Variants in SEMA5A observed in about 807,000 individuals in gnomAD.
SEMA5A encodes the protein semaphorin 5A.
In SEMA5A, 55 loss-of-function variants were observed where a neutral mutation model predicts 135.5. The observed-to-expected ratio is 0.41, with a 90% CI of 0.33 to 0.51. The LOEUF is 0.51. Ranked by LOEUF, SEMA5A falls within the 20% of genes least tolerant of loss-of-function variation. The pLI is 0.37. For synonymous variants in SEMA5A, 580 were observed against 546.5 expected (o/e 1.06, Z -0.85); for missense variants, 1,290 against 1,419.9 (o/e 0.91, Z 1.47).
At chr5:9,067,322 G>A (rs1737531718) in intron 16 of SEMA5A, among the ~76,000 whole-genome samples, 1 of 152,144 alleles carries the variant, frequency 6.6e-6, no homozygotes, top group Non-Finnish European at 1.5e-5. Context: ...ACGTGGAGAT[G>A]ATGAAAATCT....
At chr5:9,269,646 G>T (rs1364228035) in intron 5 of SEMA5A, among the ~76,000 whole-genome samples, 1 of 152,110 alleles carries the variant, frequency 6.6e-6, no homozygotes, top group African/African-American at 2.4e-5. Flanking sequence ...AACTGCTGTT[G>T]TAAGAGTAGC....
At chr5:9,091,510 A>C (rs1258937328) in intron 16 of SEMA5A, among the ~76,000 whole-genome samples, 2 of 152,306 alleles carry the variant, frequency 1.3e-5, no homozygotes, top group East Asian at 3.9e-4. Context: ...AGGCACACAC[A>C]TGGAAGTACA....
intron 13 of SEMA5A, among the ~76,000 whole-genome samples, chr5:9,126,691 A>C (rs1741133865): frequency 6.6e-6 from 1 of 152,156 alleles, no homozygotes; most frequent in Non-Finnish European, 1.5e-5. Flanking sequence ...GGGGTGGGGA[A>C]CTGAAACAGT....
chr5:9,406,939 T>C (rs1466434322), intron 2 of SEMA5A, among the ~76,000 whole-genome samples: 1 of 152,228 alleles, frequency 6.6e-6, no homozygotes, highest in East Asian at 1.9e-4. Context: ...AGGTACTGTA[T>C]CAAATTTCTC....
At chr5:9,315,822 T>C (rs1752364645) in intron 5 of SEMA5A, among the ~76,000 whole-genome samples, 1 of 152,208 alleles carries the variant, frequency 6.6e-6, no homozygotes. Flanking sequence ...TCATGGGCTA[T>C]TTGCCAGATT....
At chr5:9,054,039 A>T in intron 19 of SEMA5A, 48 bp downstream of exon 19, 1 of 1,552,174 alleles carries the variant, frequency 6.4e-7, no homozygotes. Flanking sequence ...CATTAAGGAA[A>T]GAGGCCAATT....
In SEMA5A at chr5:9,431,268, A is replaced by T. The variant is rs550630204; in HGVS notation, c.-78+6488T>A. Reference sequence around the variant, plus strand: ...CCCCAATTTATATGTACTAAAAAAAATCTGAGCTACAGTAAACAACTTAGA... The same window carrying T: ...CCCCAATTTATATGTACTAAAAAAATTCTGAGCTACAGTAAACAACTTAGA... On this transcript the variant is annotated intron_variant, in intron 2 of 22. Coordinates refer to ENST00000382496, the MANE Select transcript of SEMA5A (RefSeq NM_003966.3). Among the ~76,000 whole-genome samples, 107 of 152,320 alleles carry T rather than the reference A, an allele frequency of 7.0e-4. 1 individual carries two copies. The highest frequency in any genetic ancestry group is 2.4e-3 in the African/African-American group (101 of 41,570).
At chr5:9,162,347 C>T (rs1224739585) in intron 11 of SEMA5A, among the ~76,000 whole-genome samples, 2 of 150,394 alleles carry the variant, frequency 1.3e-5, no homozygotes, top group African/African-American at 2.5e-5. Context: ...CAAGGAAAAG[C>T]AAGCAAAGGT....
intron 1 of SEMA5A, chr5:9,518,030 GA>G (rs1736622658): frequency 6.6e-6 from 1 of 152,020 alleles, no homozygotes; most frequent in East Asian, 1.9e-4. Flanking sequence ...CAAAAACGTT[GA>G]AAATGACTTG....
rs1735836200 is a variant in SEMA5A, at chr5:9,039,388, C to A, written c.*3509G>T. ...GGCCAGACCCCTGGTTCATCCCAAA[C>A]CACATGACATGAACGGACTCTTCCT... On this transcript the variant is annotated 3_prime_UTR_variant, in exon 23 of 23. Coordinates refer to ENST00000382496, the MANE Select transcript of SEMA5A (RefSeq NM_003966.3). 1 of 152,288 alleles carries A rather than the reference C, an allele frequency of 6.6e-6. No individual in the cohort carries two copies. The highest frequency in any genetic ancestry group is 2.1e-4 in the South Asian group (1 of 4,830). 9.4% of individuals were successfully genotyped at this position (152,288 alleles called of 1,614,324 possible).
chr5:9,456,507 G>A (rs1269992913), intron 1 of SEMA5A, among the ~76,000 whole-genome samples: 2 of 152,182 alleles, frequency 1.3e-5, no homozygotes, highest in South Asian at 4.1e-4. Context: ...CTTTGAGCAG[G>A]CAGAGCACAA....
At chr5:9,488,659 C>T (rs1003799307) in intron 1 of SEMA5A, among the ~76,000 whole-genome samples, 2 of 152,126 alleles carry the variant, frequency 1.3e-5, no homozygotes, top group Non-Finnish European at 2.9e-5. Flanking sequence ...GGCCTATGCT[C>T]TCTCACGCAG....
At chr5:9,405,459 T>C (rs891649240) in intron 2 of SEMA5A, among the ~76,000 whole-genome samples, 12 of 152,190 alleles carry the variant, frequency 7.9e-5, no homozygotes, top group African/African-American at 2.9e-4. Context: ...TTCAGTCTCA[T>C]TGAACTGAAT....
chr5:9,345,404 G>A (rs375943352), intron 3 of SEMA5A, among the ~76,000 whole-genome samples: 1 of 151,934 alleles, frequency 6.6e-6, no homozygotes, highest in Non-Finnish European at 1.5e-5. Context: ...CCCCATGCAG[G>A]CCCCTGCTCC....
chr5:9,458,593 A>G (rs1365683611), intron 1 of SEMA5A, among the ~76,000 whole-genome samples: 1 of 152,154 alleles, frequency 6.6e-6, no homozygotes, highest in African/African-American at 2.4e-5. Context: ...GCCACACAAG[A>G]TGGTGGCAAA....
At chr5:9,184,299 T>C (rs889146237) in intron 11 of SEMA5A, among the ~76,000 whole-genome samples, 2 of 152,174 alleles carry the variant, frequency 1.3e-5, no homozygotes, top group Non-Finnish European at 2.9e-5. Flanking sequence ...ATTTCTGTAT[T>C]CTTGGAATTT....
At chr5:9,228,921 A>G (rs1747469506) in intron 6 of SEMA5A, among the ~76,000 whole-genome samples, 1 of 152,218 alleles carries the variant, frequency 6.6e-6, no homozygotes, top group Non-Finnish European at 1.5e-5. Context: ...AGTCTACTGC[A>G]TAGCATCGAG....
intron 11 of SEMA5A, among the ~76,000 whole-genome samples, chr5:9,175,300 C>T (rs1402600668): frequency 1.3e-5 from 2 of 152,044 alleles, no homozygotes; most frequent in Non-Finnish European, 2.9e-5. Flanking sequence ...CACAGCATGC[C>T]CTGGGACAGA....
chr5:9,160,089 G>A (rs992345030), intron 11 of SEMA5A, among the ~76,000 whole-genome samples: 4 of 152,034 alleles, frequency 2.6e-5, no homozygotes, highest in Admixed American at 2.0e-4. Context: ...TAGAAGACAG[G>A]TCAATAGGTG....
Sources: gnomAD v4.1 joint callset for allele counts (sites outside exome capture counted in the v4.1 genomes callset) on GRCh38, gnomAD v4.1.1 for gene constraint, MANE v1.5 for transcripts, NCBI Gene and HGNC (gene_info 2026-07-23, HGNC 2026-07-21) for gene names.